NPC1: variants seen among roughly 807,000 people sequenced by gnomAD.
NPC1 encodes the protein Niemann-Pick C1 protein.
Under a neutral mutation model 140.4 loss-of-function variants are expected in NPC1, and 85 were observed. The ratio of observed to expected loss-of-function variants is 0.61; its 90% CI spans 0.51 to 0.72. The LOEUF is 0.72. Among genes scored for constraint, NPC1 ranks in the 30% least tolerant of loss-of-function variants. The pLI is 0.00. For synonymous variants in NPC1, 656 were observed against 624.8 expected (o/e 1.05, Z -0.74); for missense variants, 1,504 against 1,623.8 (o/e 0.93, Z 1.27).
intron 20 of NPC1, among the ~76,000 whole-genome samples, chr18:23,537,256 G>C (rs557077473): frequency 6.6e-6 from 1 of 152,158 alleles, no homozygotes; most frequent in Non-Finnish European, 1.5e-5. Context: ...TTTTTTAGTA[G>C]AGACAGGGTT....
intron 10 of NPC1, among the ~76,000 whole-genome samples, chr18:23,549,758 T>TA (rs1412312024): frequency 6.6e-6 from 1 of 151,434 alleles, no homozygotes; most frequent in African/African-American, 2.4e-5. Context: ...TTTTTTTTTT[T>TA]AAGACGGAGT....
chr18:23,521,374 T>C (rs553664037), downstream of NPC1, among the ~76,000 whole-genome samples: 4 of 152,382 alleles, frequency 2.6e-5, no homozygotes, highest in South Asian at 8.3e-4. Context: ...CTTAGCTCTG[T>C]AACGCTGAAA....
Position 23,545,876 on chromosome 18 carries a change from C to T in NPC1, c.1758-727G>A, listed in dbSNP as rs577567937. ...TCCCTAAGTGCTGGGATGACAGGCA[C>T]CATGCCCAGCCACTGCATTAGGGTC... On this transcript the variant is annotated intron_variant, in intron 11 of 24. Coordinates refer to ENST00000269228, the MANE Select transcript of NPC1 (RefSeq NM_000271.5). Among the ~76,000 whole-genome samples the T allele has an allele frequency of 1.1e-4, 17 of 152,310 alleles. No homozygotes were observed. In the South Asian group the frequency reaches 2.9e-3, roughly 26 times the overall value.
At chr18:23,548,619 AAG>A (rs932810984) in intron 10 of NPC1, among the ~76,000 whole-genome samples, 1 of 152,170 alleles carries the variant, frequency 6.6e-6, no homozygotes, top group Non-Finnish European at 1.5e-5. Flanking sequence ...CTGCTCCATA[AAG>A]AGTTTCCTTA....
At chr18:23,565,850 TTTGA>T (rs372865687) in intron 4 of NPC1, among the ~76,000 whole-genome samples, 16 of 152,056 alleles carry the variant, frequency 1.1e-4, no homozygotes, top group African/African-American at 3.4e-4. Context: ...TCATTATCCC[TTTGA>T]TTATTATTGT....
At chr18:23,545,553 T>G (rs1220522125) in intron 11 of NPC1, among the ~76,000 whole-genome samples, 1 of 152,228 alleles carries the variant, frequency 6.6e-6, no homozygotes, top group Non-Finnish European at 1.5e-5. Flanking sequence ...TCAAAGGCCA[T>G]GTTTTCTTAA....
At chr18:23,585,695 G>A (rs2059409854) in intron 1 of NPC1, among the ~76,000 whole-genome samples, 1 of 152,162 alleles carries the variant, frequency 6.6e-6, no homozygotes, top group Non-Finnish European at 1.5e-5. Flanking sequence ...TCCTGTCGCT[G>A]GCTAATAGTG....
rs552334762 is a variant in NPC1 at position 23,562,946 on chromosome 18, T to G, written c.464-1419A>C. On this transcript the variant is annotated intron_variant, in intron 4 of 24. Coordinates refer to ENST00000269228, the MANE Select transcript of NPC1 (RefSeq NM_000271.5). The stretch of plus-strand genomic sequence containing the variant: ...TATAATTTAATGGAGTTTAGCATAT[T>G]CATAGATATATGCAACTATCACCAT... Among the ~76,000 whole-genome samples, 3 of 152,358 alleles carry G rather than the reference T, an allele frequency of 2.0e-5. No individual in the cohort carries two copies. In the East Asian group the frequency reaches 5.8e-4, roughly 29 times the overall value.
intron 1 of NPC1, among the ~76,000 whole-genome samples, chr18:23,580,966 T>C (rs2059349352): frequency 6.6e-6 from 1 of 152,208 alleles, no homozygotes. Flanking sequence ...AAAGGATAAT[T>C]TGTGTGTGCA....
chr18:23,552,412 A>G (rs1317457157), intron 9 of NPC1, among the ~76,000 whole-genome samples: 1 of 152,240 alleles, frequency 6.6e-6, no homozygotes, highest in Non-Finnish European at 1.5e-5. Flanking sequence ...ACAAATGCAA[A>G]ATAAAAGGAC....
rs1788822 is a variant in NPC1, at chr18:23,537,035, C to G, written c.3042-159G>C. ...AAGAAGGCCCCCAGATAAGGGAACA[C>G]CAAAGGTTTAGCTTGTTCTCTCCCA... On this transcript the variant is annotated intron_variant, in intron 20 of 24. Coordinates refer to ENST00000269228, the MANE Select transcript of NPC1 (RefSeq NM_000271.5). 0.024 allele frequency among the ~76,000 whole-genome samples: 3,595 copies of G among 152,184 alleles called. 237 individuals carry two copies. The East Asian group carries it at 0.28, about 12-fold the overall frequency.
downstream of NPC1, chr18:23,519,270 C>A: frequency 8.9e-7 from 1 of 1,119,562 alleles, no homozygotes; most frequent in Non-Finnish European, 1.3e-6. Context: ...GTAATCCCAG[C>A]ACTTTGGGAG....
At chr18:23,563,987 G>T (rs1209996318) in intron 4 of NPC1, among the ~76,000 whole-genome samples, 11 of 102,584 alleles carry the variant, frequency 1.1e-4, no homozygotes, top group Non-Finnish European at 1.6e-4. Context: ...AGTAGTAAGA[G>T]TTTTTTTTTT....
At chr18:23,578,940 T>C (rs1445386079) in intron 1 of NPC1, among the ~76,000 whole-genome samples, 2 of 152,230 alleles carry the variant, frequency 1.3e-5, no homozygotes, top group Non-Finnish European at 2.9e-5. Context: ...GTGTCTCTGG[T>C]GCAGATGCCT....
rs371704068 is a variant in NPC1, at chr18:23,561,341, T to C, written c.631+19A>G. The C allele has an allele frequency of 3.8e-5, 62 of 1,613,910 alleles. No individual in the cohort carries two copies. In the African/African-American group the frequency reaches 7.6e-4, roughly 20 times the overall value. ...AAACAATATCATAAACACACCAAACTTGGAATCTTTATACCTACCTGAAAA... is the reference window on the plus strand; with the variant it reads ...AAACAATATCATAAACACACCAAACCTGGAATCTTTATACCTACCTGAAAA... On this transcript the variant is annotated intron_variant, in intron 5 of 24. Coordinates refer to ENST00000269228, the MANE Select transcript of NPC1 (RefSeq NM_000271.5).
chr18:23,518,970 A>G (rs970781284), downstream of NPC1: 16 of 1,614,202 alleles, frequency 9.9e-6, no homozygotes, highest in East Asian at 2.2e-5. Flanking sequence ...GTCCTCTATC[A>G]TCTACCACGG....
chr18:23,528,989 C>T, downstream of NPC1: 1 of 851,218 alleles, frequency 1.2e-6, no homozygotes, highest in South Asian at 1.9e-5. Flanking sequence ...AAGGGATTCT[C>T]CTGCCTCAGC....
intron 10 of NPC1, among the ~76,000 whole-genome samples, chr18:23,551,004 CTGGATTCTTAACTGG>C (rs1285387679): frequency 6.6e-6 from 1 of 152,228 alleles, no homozygotes; most frequent in African/African-American, 2.4e-5. Context: ...GAAAACCTAT[CTGGATTCTTAACTGG>C]TTGGGCAAAA....
At chr18:23,543,401 T>C (rs2058739496) in intron 14 of NPC1, 54 bp downstream of exon 14, 1 of 1,024,206 alleles carries the variant, frequency 9.8e-7, no homozygotes, top group African/African-American at 1.6e-5. Flanking sequence ...GCCAGCTCCT[T>C]CTTTCTCCAG....
Sources: gnomAD v4.1 joint callset for allele counts (sites outside exome capture counted in the v4.1 genomes callset) on GRCh38, gnomAD v4.1.1 for gene constraint, MANE v1.5 for transcripts, NCBI Gene and HGNC (gene_info 2026-07-23, HGNC 2026-07-21) for gene names.